The following FOXI1 variants were observed in gnomAD, a reference collection of about 807,000 sequenced individuals.
FOXI1 encodes forkhead box protein I1.
FOXI1 carries 11 observed loss-of-function variants against 16.4 expected under a neutral mutation model. The ratio of observed to expected loss-of-function variants is 0.67; its 90% confidence interval spans 0.42 to 1.11. The LOEUF is 1.11. Ranked by LOEUF, FOXI1 falls within the 50% of genes least tolerant of loss-of-function variation. The pLI, the probability that FOXI1 is intolerant of heterozygous loss-of-function variation, is 0.00. For missense variants in FOXI1, 480 were observed against 506.1 expected, an observed-to-expected ratio of 0.95 and a Z score of 0.49; for synonymous variants, 218 against 211.5, an observed-to-expected ratio of 1.03 and a Z score of -0.27.
chr5:170,106,224 T>G lies in FOXI1; in HGVS notation c.267T>G (p.Tyr89Ter). Residue 89 changes from tyrosine (Y) to a stop codon, truncating the protein, a stop_gained, in exon 1 of 2, where the codon TAT (tyrosine) becomes TAG (stop). Coordinates refer to ENST00000306268, the MANE Select transcript of FOXI1 (RefSeq NM_012188.5). LOFTEE classifies it high-confidence loss of function. ...CCAGCCCCTTCCTGCCCCAGGCCTA[T>G]GGAGTGCAGAGGCCGCTGCTGCCCA... ...PNASPFLPQA[Y>*]GVQRPLLPSV... The G allele has an allele frequency of 6.3e-7, 1 of 1,580,556 alleles. No individual in the cohort carries two copies. Among genetic ancestry groups the G allele is most frequent in the Non-Finnish European group, 8.6e-7 (1 of 1,162,888 alleles).
In FOXI1 at chr5:170,106,354, G is replaced by A; in HGVS notation, c.397G>A (p.Ala133Thr). Residue 133 changes from alanine (A) to threonine (T), a missense_variant, in exon 1 of 2, where the codon GCC (alanine) becomes ACC (threonine). Coordinates refer to ENST00000306268, the MANE Select transcript of FOXI1 (RefSeq NM_012188.5). ...RPPYSYSALI[A>T]MAIHGAPDKR... ...ACCCTATTCCTACTCGGCTCTCATC[G>A]CCATGGCCATCCACGGGGCACCCGA... The A allele has an allele frequency of 6.2e-7, 1 of 1,611,546 alleles. No individual in the cohort carries two copies. The highest frequency in any genetic ancestry group is 1.1e-5 in the South Asian group (1 of 90,748).
chr5:170,106,735 C>G (rs1758501418), intron 1 of FOXI1, among the ~76,000 whole-genome samples: 1 of 152,248 alleles, frequency 6.6e-6, no homozygotes. Context: ...GTGCTCCTGC[C>G]CAGTCAGTGA....
At chr5:170,107,958 C>CA (rs1452618412) in intron 1 of FOXI1, 91 bp from the exon 2 acceptor site, 2 of 1,001,448 alleles carry the variant, frequency 2.0e-6, no homozygotes, top group Non-Finnish European at 3.2e-6. Flanking sequence ...CTGCATCTGT[C>CA]ACCTTGGCTT....
In FOXI1 at chr5:170,106,049, A is replaced by G. The variant is rs777573595; in HGVS notation, c.92A>G (p.Tyr31Cys). 2.7e-5 allele frequency: 44 copies of G among 1,612,808 alleles called. No individual in the cohort carries two copies. The African/African-American group carries it at 2.9e-4, about 11-fold the overall frequency. The change falls in exon 1 of 2, where the codon TAC becomes TGC. Residue 31 changes from tyrosine (Y) to cysteine (C), a missense_variant. By Grantham distance (194) the Tyr-to-Cys change is radical (BLOSUM62 -2). This residue lies in a region of FOXI1 where 219 missense variants were observed against 222.9 expected (regional missense o/e 0.98). Coordinates refer to ENST00000306268, the MANE Select transcript of FOXI1 (RefSeq NM_012188.5). ...IGQEPPEMNLYYENFFHPQGV... is the reference protein window; with the variant it reads ...IGQEPPEMNLCYENFFHPQGV... ...CAGGAGCCCCCCGAGATGAACCTCT[A>G]CTATGAGAACTTCTTCCACCCACAG...
chr5:170,107,573 G>A lies in FOXI1; in HGVS notation c.575-476G>A, dbSNP rs144147190. 3.8e-3 allele frequency among the ~76,000 whole-genome samples: 578 copies of A among 152,360 alleles called. 3 individuals are homozygous for A. The highest frequency in any genetic ancestry group is 0.013 in the African/African-American group (550 of 41,584). ...TGGGCCTGAGGAAGACAGGGGCAAT[G>A]GGCCCACTTTTCAGACTAGAAAACA... On this transcript the variant is annotated intron_variant, in intron 1 of 1. Transcript: ENST00000306268.
chr5:170,106,811 CT>C (rs1758504182), intron 1 of FOXI1: 1 of 257,692 alleles, frequency 3.9e-6, no homozygotes, highest in Non-Finnish European at 6.1e-6. Flanking sequence ...GTGACAGCAT[CT>C]GCTTTGCAGG....
In FOXI1 at chr5:170,106,452, C is replaced by T. The variant is rs764273040; in HGVS notation, c.495C>T (p.Ala165=). ...DNFPFYNKSK[A]GWQNSIRHNL... ...TCCCCTTCTACAACAAGAGCAAGGC[C>T]GGCTGGCAGAACTCCATCCGCCACA... is the stretch of plus-strand genomic sequence containing the variant. The change falls in exon 1 of 2, where the codon GCC becomes GCT. Residue 165 remains alanine, a synonymous_variant. Coordinates refer to ENST00000306268, the MANE Select transcript of FOXI1 (RefSeq NM_012188.5). 4 of 1,614,124 alleles carry T rather than the reference C, an allele frequency of 2.5e-6. No homozygotes were observed. The African/African-American group carries it at 4.0e-5, about 16-fold the overall frequency.
rs1758577214 is a variant in FOXI1, at chr5:170,108,689, G to T, written c.*78G>T. The T allele has an allele frequency of 1.8e-6, 2 of 1,142,840 alleles. No individual in the cohort carries two copies. The highest frequency in any genetic ancestry group is 3.4e-5 in the Admixed American group (2 of 59,110). 70.8% of individuals were successfully genotyped at this position (1,142,840 alleles called of 1,614,324 possible). A position where few individuals can be genotyped will look rare whatever the true frequency, so the allele number is the denominator to read the frequency against. On this transcript the variant is annotated 3_prime_UTR_variant, in exon 2 of 2. Transcript: ENST00000306268. ...GGTCCTCCATGCCAGCCCCACGGTG[G>T]TCCATGACTGCGGAACTGCCCAGAC...
At position 170,108,849 on chromosome 5, in the gene FOXI1, A is replaced by C; in HGVS notation, c.*238A>C. 1.7e-6 allele frequency: 1 copy of C among 577,992 alleles called. No homozygotes were observed. The highest frequency in any genetic ancestry group is 3.0e-5 in the East Asian group (1 of 33,796). The allele number at this position is 577,992 out of a possible 1,614,324, so 35.8% of individuals were successfully genotyped here. On this transcript the variant is annotated 3_prime_UTR_variant, in exon 2 of 2. Transcript: ENST00000306268. ...CTGGTGCCTGCAGAGCAGCACTAAC[A>C]GTGGCAGGTGCTGTACTAGGCTCTG...
In FOXI1 at chr5:170,109,516, A is replaced by C. The variant is rs1011016906; in HGVS notation, c.*905A>C. 1 of 150,680 alleles carries C rather than the reference A, an allele frequency of 6.6e-6. No individual in the cohort carries two copies. The highest frequency in any genetic ancestry group is 1.5e-5 in the Non-Finnish European group (1 of 67,994). 9.3% of individuals were successfully genotyped at this position (150,680 alleles called of 1,614,324 possible). ...GCTGGAGATGGCTGAATCTTCCAAG[A>C]GAAACAAGGTTGGATAAGCGCTTCC... On this transcript the variant is annotated 3_prime_UTR_variant, in exon 2 of 2. Coordinates refer to ENST00000306268, the MANE Select transcript of FOXI1 (RefSeq NM_012188.5).
chr5:170,106,253 T>A lies in FOXI1; in HGVS notation c.296T>A (p.Val99Glu), dbSNP rs1243964983. 1 of 1,580,526 alleles carries A rather than the reference T, an allele frequency of 6.3e-7. No individual in the cohort carries two copies. The highest frequency in any genetic ancestry group is 1.8e-5 in the Admixed American group (1 of 55,098). ...GTGCAGAGGCCGCTGCTGCCCAGCG[T>A]GTCGGGGCTTGGGGGGAGCGACCTG... ...YGVQRPLLPSVSGLGGSDLGW... is the reference protein window; with the variant it reads ...YGVQRPLLPSESGLGGSDLGW... Residue 99 changes from valine to glutamate, a missense_variant, in exon 1 of 2, where the codon GTG becomes GAG. Val to Glu is a moderately radical substitution (Grantham distance 121). Around this residue, in one of 3 missense-constraint regions of FOXI1, gnomAD observed 219 missense variants for 222.9 expected, o/e 0.98. Coordinates refer to ENST00000306268, the MANE Select transcript of FOXI1 (RefSeq NM_012188.5).
Position 170,108,365 on chromosome 5 carries a change from C to T in FOXI1, c.891C>T (p.His297=), listed in dbSNP as rs1283980980. 6.2e-7 allele frequency: 1 copy of T among 1,614,030 alleles called. No individual in the cohort carries two copies. The highest frequency in any genetic ancestry group is 2.2e-5 in the East Asian group (1 of 44,878). ...TGAGCGGGGGGAGCCCCACGAGCCA[C>T]CCCTTGGTCACACCAGGACTGAGCC... is the stretch of plus-strand genomic sequence containing the variant. The part of the protein sequence containing the change: ...AYVSGGSPTS[H]PLVTPGLSPE... Residue 297 remains histidine (H), a synonymous_variant, in exon 2 of 2, where the codon CAC becomes CAT. Coordinates refer to ENST00000306268, the MANE Select transcript of FOXI1 (RefSeq NM_012188.5).
chr5:170,109,549 T>TC lies in FOXI1; in HGVS notation c.*938_*939insC, dbSNP rs35964510. ...GGTTGGATAAGCGCTTCCTTTTTTT[T>TC]AGCCCAGGAGAGGTGGATGTTTGTC... is the stretch of plus-strand genomic sequence containing the variant. On this transcript the variant is annotated 3_prime_UTR_variant, in exon 2 of 2. Coordinates refer to ENST00000306268, the MANE Select transcript of FOXI1 (RefSeq NM_012188.5). The TC allele has an allele frequency of 1.3e-5, 2 of 151,996 alleles. No individual in the cohort carries two copies. The highest frequency in any genetic ancestry group is 3.9e-4 in the East Asian group (2 of 5,156). 9.4% of individuals were successfully genotyped at this position (151,996 alleles called of 1,614,324 possible).
chr5:170,108,201 C>A lies in FOXI1; in HGVS notation c.727C>A (p.Pro243Thr), dbSNP rs377539902. 413 of 1,614,158 alleles carry A rather than the reference C, an allele frequency of 2.6e-4. 3 individuals carry two copies. In the South Asian group the frequency reaches 4.3e-3, roughly 17 times the overall value. ...AGAGAGCAGTCTCCCGGTGGACAGC[C>A]CCAAGACCACGGAGCCTCAGGACAT... ...KTESSLPVDSPKTTEPQDILD... is the reference protein window; with the variant it reads ...KTESSLPVDSTKTTEPQDILD... Residue 243 changes from proline (P) to threonine (T), a missense_variant, in exon 2 of 2, where the codon CCC (proline) becomes ACC (threonine). Physicochemically the swap from Pro to Thr is conservative, Grantham distance 38. This residue lies in a region of FOXI1 where 257 missense variants were observed against 262.2 expected (regional missense o/e 0.98). Transcript: ENST00000306268.
At chr5:170,108,027 C>A (rs1389175887) in intron 1 of FOXI1, 22 bp from the exon 2 acceptor site, 2 of 1,577,600 alleles carry the variant, frequency 1.3e-6, no homozygotes, top group South Asian at 1.1e-5. Flanking sequence ...TCTCTATTTA[C>A]CCCCTTTCAC....
rs755810719 is a variant in FOXI1, at chr5:170,108,411, G to C, written c.937G>C (p.Gly313Arg). The C allele has an allele frequency of 1.7e-5, 28 of 1,611,818 alleles. No homozygotes were observed. The East Asian group carries it at 4.0e-4, about 23-fold the overall frequency. The change falls in exon 2 of 2, where the codon GGG (glycine) becomes CGG (arginine). Residue 313 changes from glycine (G) to arginine (R), a missense_variant. Physicochemically the swap from Gly to Arg is moderately radical, Grantham distance 125 (BLOSUM62 -2). Coordinates refer to ENST00000306268, the MANE Select transcript of FOXI1 (RefSeq NM_012188.5). ...GLSPEPSDKT[G>R]QNSLTFNSFS... The stretch of plus-strand genomic sequence containing the variant: ...GAGCCCTGAGCCCAGTGACAAGACG[G>C]GGCAGAACTCACTGACCTTCAACTC...
rs775308176 is a variant in FOXI1 at position 170,109,621 on chromosome 5, A to AG, written c.*1015dup. ...GGAGGGGCCTTGGGCCCACCCTCAC[A>AG]GGGGGTCTCTGTGTGATCTCTTGGG... On this transcript the variant is annotated 3_prime_UTR_variant, in exon 2 of 2. Transcript: ENST00000306268. 14 of 152,256 alleles carry AG rather than the reference A, an allele frequency of 9.2e-5. No individual in the cohort carries two copies. The highest frequency in any genetic ancestry group is 2.1e-4 in the South Asian group (1 of 4,820). 9.4% of individuals were successfully genotyped at this position (152,256 alleles called of 1,614,324 possible).
chr5:170,108,103 G>A lies in FOXI1; in HGVS notation c.629G>A (p.Gly210Glu). The change falls in exon 2 of 2, where the codon GGA becomes GAA. Residue 210 changes from glycine (G) to glutamate (E), a missense_variant. Gly to Glu is a moderately conservative substitution (Grantham distance 98). Coordinates refer to ENST00000306268, the MANE Select transcript of FOXI1 (RefSeq NM_012188.5). Reference protein sequence around the residue: ...DPNCEKMFDNGNFRRKRKRKS... With the variant: ...DPNCEKMFDNENFRRKRKRKS... The stretch of plus-strand genomic sequence containing the variant: ...AACTGTGAGAAAATGTTCGACAATG[G>A]AAATTTCCGCAGGAAAAGGAAGAGA... The A allele has an allele frequency of 6.2e-7, 1 of 1,614,162 alleles. No individual in the cohort carries two copies. The highest frequency in any genetic ancestry group is 8.5e-7 in the Non-Finnish European group (1 of 1,180,022).
intron 1 of FOXI1, 113 bp from the exon 2 acceptor site, chr5:170,107,936 G>T: frequency 1.2e-6 from 1 of 813,328 alleles, no homozygotes; most frequent in Non-Finnish European, 2.1e-6. Context: ...CTGCCTGTCG[G>T]TCTCTGTCTT....
Sources: gnomAD v4.1 joint callset for allele counts (sites outside exome capture counted in the v4.1 genomes callset) on GRCh38, gnomAD v4.1.1 for gene constraint, gnomAD v4.1.1 regional missense constraint, MANE v1.5 for transcripts, NCBI Gene and HGNC (gene_info 2026-07-23, HGNC 2026-07-21) for gene names.